Variants in PCDH9 observed in about 807,000 individuals in gnomAD.
PCDH9 encodes protocadherin 9.
A neutral mutation model predicts 70.6 loss-of-function variants in PCDH9; 24 were observed. That is an observed-to-expected ratio of 0.34 (90% CI 0.25 to 0.48). The LOEUF (loss-of-function observed/expected upper bound fraction) is 0.48, where lower values mean the gene tolerates loss of function less well. Among genes scored for constraint, PCDH9 ranks in the 20% least tolerant of loss-of-function variants. The probability of loss-of-function intolerance (pLI) is 0.99; values close to 1 mark genes in which losing one functional copy is unlikely to be tolerated. For missense variants in PCDH9, 1,281 were observed against 1,503.6 expected (o/e 0.85, Z 2.45); for synonymous variants, 562 against 558.5 (o/e 1.01, Z -0.09).
chr13:66,556,240 A>G (rs1961734704), intron 4 of PCDH9, among the ~76,000 whole-genome samples: 1 of 151,990 alleles, frequency 6.6e-6, no homozygotes. Flanking sequence ...ATTTGAGGAT[A>G]TATAAGCTAA....
At chr13:67,115,876 C>A (rs1040618630) in intron 2 of PCDH9, among the ~76,000 whole-genome samples, 5 of 151,906 alleles carry the variant, frequency 3.3e-5, no homozygotes, top group African/African-American at 9.7e-5. Flanking sequence ...AATAATATAT[C>A]CTATATCCGC....
chr13:66,370,413 C>T (rs1414093123), intron 4 of PCDH9, among the ~76,000 whole-genome samples: 3 of 151,918 alleles, frequency 2.0e-5, no homozygotes, highest in Non-Finnish European at 4.4e-5. Flanking sequence ...AAAGTGTGTT[C>T]AACTTCCTCC....
chr13:66,445,586 CAT>C (rs1220639486), intron 4 of PCDH9, among the ~76,000 whole-genome samples: 6 of 138,622 alleles, frequency 4.3e-5, no homozygotes, highest in South Asian at 2.2e-4. Context: ...TATATATACA[CAT>C]ATATATTATA....
At chr13:66,656,367 T>C (rs1407023421) in intron 3 of PCDH9, among the ~76,000 whole-genome samples, 1 of 152,182 alleles carries the variant, frequency 6.6e-6, no homozygotes, top group Non-Finnish European at 1.5e-5. Flanking sequence ...TCAGTAGAGT[T>C]AAGACACCAT....
Position 67,226,654 on chromosome 13 carries a change from A to T in PCDH9, c.1787T>A (p.Val596Glu), listed in dbSNP as rs1593656337. 2.5e-6 allele frequency: 4 copies of T among 1,613,868 alleles called. No individual in the cohort carries two copies. Among genetic ancestry groups the T allele is most frequent in the Admixed American group, 1.7e-5 (1 of 59,998 alleles). Reference sequence around the variant, plus strand: ...ATTCTCTCCAGCATCTGCATCTGTCACTGTGATTACCCCCACAGTACTATA... The same window carrying T: ...ATTCTCTCCAGCATCTGCATCTGTCTCTGTGATTACCCCCACAGTACTATA... The part of the protein sequence containing the change: ...PKYSTVGVIT[V>E]TDADAGENKA... The change falls in exon 2 of 5, where the codon GTG becomes GAG. Residue 596 changes from valine to glutamate, a missense_variant. By Grantham distance (121) the Val-to-Glu change is moderately radical (BLOSUM62 -2). Around this residue, in one of 4 missense-constraint regions of PCDH9, gnomAD observed 798 missense variants for 1,003.1 expected, o/e 0.80. Coordinates refer to ENST00000377865, the MANE Select transcript of PCDH9 (RefSeq NM_203487.3). This position sits in a 1 kb window ranked among gnomAD's most constrained non-coding sequence, Gnocchi z 5.0.
chr13:66,847,956 GAAATCTTTTATAAGAGGAGCCATTATGAT>G (rs1566237771), intron 3 of PCDH9, among the ~76,000 whole-genome samples: 2 of 152,120 alleles, frequency 1.3e-5, no homozygotes, highest in African/African-American at 4.8e-5. Flanking sequence ...TCCAGAAAGG[GAAATCTTTTATAAGAGGAGCCATTATGAT>G]TATTTGTGTA....
chr13:67,157,158 A>G (rs1384985890), intron 2 of PCDH9, among the ~76,000 whole-genome samples: 1 of 152,210 alleles, frequency 6.6e-6, no homozygotes, highest in Non-Finnish European at 1.5e-5. Context: ...TGATGAAATA[A>G]ATGGATAAAC....
At chr13:66,917,471 A>C (rs1424130799) in intron 2 of PCDH9, among the ~76,000 whole-genome samples, 1 of 151,480 alleles carries the variant, frequency 6.6e-6, no homozygotes. Flanking sequence ...CATAATCAGA[A>C]ACACTAATCA....
intron 4 of PCDH9, among the ~76,000 whole-genome samples, chr13:66,413,719 T>A (rs1957413410): frequency 2.0e-5 from 3 of 151,658 alleles, no homozygotes; most frequent in African/African-American, 4.8e-5. Flanking sequence ...AAATAAAATA[T>A]TAAAAAAAGG....
At chr13:66,931,670 A>T (rs2082811227) in intron 2 of PCDH9, among the ~76,000 whole-genome samples, 1 of 152,162 alleles carries the variant, frequency 6.6e-6, no homozygotes, top group South Asian at 2.1e-4. Context: ...CAGCAAGCAC[A>T]TGACTTTTCT....
chr13:66,749,976 G>GA (rs200644615), intron 3 of PCDH9, among the ~76,000 whole-genome samples: 2 of 151,946 alleles, frequency 1.3e-5, no homozygotes, highest in Non-Finnish European at 2.9e-5. Flanking sequence ...ATATTTAAAA[G>GA]AAAAAAATGA....
At chr13:66,533,046 C>T (rs1440369716) in intron 4 of PCDH9, among the ~76,000 whole-genome samples, 1 of 152,268 alleles carries the variant, frequency 6.6e-6, no homozygotes, top group South Asian at 2.1e-4. Context: ...GAGGAAGCCA[C>T]TTATGTGCCC....
At chr13:66,699,189 C>CTT (rs1266478987) in intron 3 of PCDH9, among the ~76,000 whole-genome samples, 2 of 152,056 alleles carry the variant, frequency 1.3e-5, no homozygotes, top group Admixed American at 1.3e-4. Context: ...GCTGGGATTA[C>CTT]AGGTGTGAGC....
rs528829293 is a variant in PCDH9 at position 66,631,887 on chromosome 13, TTTTG to T, written c.3139-480_3139-477del. On this transcript the variant is annotated intron_variant, in intron 3 of 4. Transcript: ENST00000377865. ...CATATTTCCTACAGTACCACCTCCT[TTTTG>T]TTTGTTTGTTTGTTTGTTTGAGACA... Among the ~76,000 whole-genome samples, 181 of 152,114 alleles carry T rather than the reference TTTTG, an allele frequency of 1.2e-3. 1 individual carries two copies. Among genetic ancestry groups the T allele is most frequent in the African/African-American group, 4.1e-3 (170 of 41,502 alleles).
At chr13:66,890,114 A>T (rs2082071726) in intron 3 of PCDH9, among the ~76,000 whole-genome samples, 1 of 152,166 alleles carries the variant, frequency 6.6e-6, no homozygotes, top group African/African-American at 2.4e-5. Flanking sequence ...TTTGTAAATT[A>T]TCATGTCACT....
At chr13:66,844,929 C>T (rs2081180405) in intron 3 of PCDH9, among the ~76,000 whole-genome samples, 1 of 152,142 alleles carries the variant, frequency 6.6e-6, no homozygotes, top group Non-Finnish European at 1.5e-5. Flanking sequence ...GTTGCTTCAC[C>T]AGCCAGAAAA....
rs139621323 is a variant in PCDH9, at chr13:67,228,274, G to A, written c.167C>T (p.Thr56Ile). ...GTAGACAAGGCTGGCGCTGGTCCCT[G>A]TGGCAGCATTGATGTGAGAAATGTT... ...DLNISHINAATGTSASLVYRL... is the reference protein window; with the variant it reads ...DLNISHINAAIGTSASLVYRL... The change falls in exon 2 of 5, where the codon ACA becomes ATA. Residue 56 changes from threonine to isoleucine, a missense_variant. This residue lies in a region of PCDH9 where 798 missense variants were observed against 1,003.1 expected (regional missense o/e 0.80). Coordinates refer to ENST00000377865, the MANE Select transcript of PCDH9 (RefSeq NM_203487.3). 40 of 1,613,922 alleles carry A rather than the reference G, an allele frequency of 2.5e-5. No homozygotes were observed. Among genetic ancestry groups the A allele is most frequent in the East Asian group, 1.1e-4 (5 of 44,884 alleles).
chr13:66,343,924 T>A (rs1403399424), intron 4 of PCDH9, among the ~76,000 whole-genome samples: 1 of 152,148 alleles, frequency 6.6e-6, no homozygotes, highest in Non-Finnish European at 1.5e-5. Context: ...CAATTTTGCC[T>A]AATATATTGT....
intron 3 of PCDH9, among the ~76,000 whole-genome samples, chr13:66,770,437 A>T (rs2079789201): frequency 6.6e-6 from 1 of 152,194 alleles, no homozygotes; most frequent in African/African-American, 2.4e-5. Flanking sequence ...TCTTAGATGA[A>T]GCCACCCTTA....
Sources: gnomAD v4.1 joint callset for allele counts (sites outside exome capture counted in the v4.1 genomes callset) on GRCh38, gnomAD v4.1.1 for gene constraint, gnomAD v4.1.1 regional missense constraint, Gnocchi (gnomAD v3.1) non-coding constraint, MANE v1.5 for transcripts, NCBI Gene and HGNC (gene_info 2026-07-23, HGNC 2026-07-21) for gene names.